LOC128092252: variants seen among roughly 807,000 people sequenced by gnomAD.
chr15:50,668,379 C>T, the LOC128092252 span, among the ~76,000 whole-genome samples: 2 of 152,184 alleles, frequency 1.3e-5, no homozygotes, highest in Non-Finnish European at 2.9e-5. Context: ...GAGCTATTGA[C>T]AGCTATTAAC....
chr15:50,654,873 C>G, the LOC128092252 span, among the ~76,000 whole-genome samples: 1 of 149,652 alleles, frequency 6.7e-6, no homozygotes, highest in African/African-American at 2.4e-5. Flanking sequence ...TGGCAGCAGG[C>G]ACCTGTAGTC....
the LOC128092252 span, among the ~76,000 whole-genome samples, chr15:50,664,033 C>T: frequency 6.6e-6 from 1 of 152,010 alleles, no homozygotes; most frequent in Non-Finnish European, 1.5e-5. Context: ...CGTGCGGTGG[C>T]TCACACGTAT....
At chr15:50,677,515 C>A in the LOC128092252 span, among the ~76,000 whole-genome samples, 180 of 151,914 alleles carry the variant, frequency 1.2e-3, no homozygotes, top group African/African-American at 4.0e-3. Context: ...CCAAGGCAGG[C>A]GGATCGCAAG....
chr15:50,679,488 AT>A, the LOC128092252 span, among the ~76,000 whole-genome samples: 2 of 105,894 alleles, frequency 1.9e-5, no homozygotes, highest in South Asian at 5.7e-4. Flanking sequence ...ATATATATAT[AT>A]TATATATATG....
At chr15:50,652,991 C>A in the LOC128092252 span, among the ~76,000 whole-genome samples, 1 of 152,126 alleles carries the variant, frequency 6.6e-6, no homozygotes, top group Non-Finnish European at 1.5e-5. Flanking sequence ...AAAACTCCTT[C>A]TCTACAAAAA....
chr15:50,679,534 A>ATGTG, the LOC128092252 span, among the ~76,000 whole-genome samples: 2 of 57,664 alleles, frequency 3.5e-5, no homozygotes, highest in African/African-American at 1.1e-4. Flanking sequence ...ATATATATAT[A>ATGTG]TATATTTTTT....
the LOC128092252 span, among the ~76,000 whole-genome samples, chr15:50,665,432 A>T: frequency 2.6e-5 from 4 of 152,074 alleles, no homozygotes; most frequent in Non-Finnish European, 5.9e-5. Flanking sequence ...CTTGACCATA[A>T]AATAAGATTC....
chr15:50,660,284 T>C, the LOC128092252 span, among the ~76,000 whole-genome samples: 4 of 152,174 alleles, frequency 2.6e-5, no homozygotes, highest in South Asian at 8.3e-4. Flanking sequence ...ATTAAAAAAT[T>C]GAGGGATATT....
chr15:50,653,701 A>G, the LOC128092252 span, among the ~76,000 whole-genome samples: 1 of 152,166 alleles, frequency 6.6e-6, no homozygotes, highest in East Asian at 1.9e-4. Flanking sequence ...TAGGCTGTTG[A>G]AACAGTTGGA....
chr15:50,650,540 T>C, the LOC128092252 span, among the ~76,000 whole-genome samples: 2 of 150,556 alleles, frequency 1.3e-5, no homozygotes, highest in African/African-American at 4.9e-5. Context: ...CCTAAAAATA[T>C]AAAAATTAAC....
chr15:50,669,961 T>C, the LOC128092252 span, among the ~76,000 whole-genome samples: 1 of 152,204 alleles, frequency 6.6e-6, no homozygotes, highest in African/African-American at 2.4e-5. Flanking sequence ...ATGGAATACA[T>C]TGCTGTTGTA....
chr15:50,683,039 T>G, the LOC128092252 span, among the ~76,000 whole-genome samples: 9 of 151,974 alleles, frequency 5.9e-5, no homozygotes, highest in African/African-American at 9.6e-5. Context: ...CGCATCACCA[T>G]GCCCAGCTAA....
At chr15:50,678,758 A>AG in the LOC128092252 span, among the ~76,000 whole-genome samples, 1 of 152,156 alleles carries the variant, frequency 6.6e-6, no homozygotes, top group Admixed American at 6.6e-5. Context: ...GGCCAGGTGC[A>AG]GTGGCTTATG....
the LOC128092252 span, among the ~76,000 whole-genome samples, chr15:50,678,026 T>A: frequency 6.7e-6 from 1 of 150,228 alleles, no homozygotes; most frequent in Admixed American, 6.6e-5. Flanking sequence ...GATCACGAGG[T>A]CAGGAGATTG....
At chr15:50,665,852 G>C in the LOC128092252 span, among the ~76,000 whole-genome samples, 4 of 152,086 alleles carry the variant, frequency 2.6e-5, no homozygotes, top group African/African-American at 7.2e-5. Context: ...AATTAGCAGA[G>C]TGTTGTGGTG....
At chr15:50,679,498 TGTGTATATATATA>T in the LOC128092252 span, among the ~76,000 whole-genome samples, 1 of 100,270 alleles carries the variant, frequency 1.0e-5, no homozygotes, top group South Asian at 3.2e-4. Flanking sequence ...ATTATATATA[TGTGTATATATATA>T]ATATATATAT....
At chr15:50,648,945 G>C in the LOC128092252 span, 3 of 1,367,158 alleles carry the variant, frequency 2.2e-6, no homozygotes, top group Non-Finnish European at 9.9e-7. Flanking sequence ...TGAAAAAATG[G>C]AATTAAAAGT....
At chr15:50,653,048 A>C in the LOC128092252 span, among the ~76,000 whole-genome samples, 1 of 152,136 alleles carries the variant, frequency 6.6e-6, no homozygotes, top group Non-Finnish European at 1.5e-5. Context: ...TTACTTGGGA[A>C]GCTAAAGGGA....
At chr15:50,661,475 T>C in the LOC128092252 span, among the ~76,000 whole-genome samples, 1 of 152,250 alleles carries the variant, frequency 6.6e-6, no homozygotes, top group African/African-American at 2.4e-5. Flanking sequence ...TCAAAAGTTT[T>C]TTAAATGTAT....
Sources: allele counts gnomAD v4.1 joint callset (sites outside exome capture counted in the v4.1 genomes callset), GRCh38; gene constraint gnomAD v4.1.1; transcripts MANE v1.5.